Variants in ANKRD6 observed in about 807,000 individuals in gnomAD.
ANKRD6 encodes the protein ankyrin repeat domain 6, also known as ankyrin repeat domain-containing protein 6.
In ANKRD6, 56 loss-of-function variants were observed where a neutral mutation model predicts 82.3. That is an observed-to-expected ratio of 0.68 (90% CI 0.55 to 0.85). ANKRD6 has a LOEUF of 0.85. Ranked by LOEUF, ANKRD6 falls within the 40% of genes least tolerant of loss-of-function variation. The pLI, the probability that ANKRD6 is intolerant of heterozygous loss-of-function variation, is 0.00. For missense variants in ANKRD6, 852 were observed against 907.6 expected (o/e 0.94, Z 0.79); for synonymous variants, 347 against 352.1 (o/e 0.99, Z 0.16).
intron 5 of ANKRD6, among the ~76,000 whole-genome samples, chr6:89,610,715 A>T (rs1005181217): frequency 2.0e-5 from 3 of 151,982 alleles, no homozygotes; most frequent in South Asian, 2.1e-4. Flanking sequence ...GTTGCTGAGA[A>T]CTAAACTAGC....
chr6:89,546,623 C>A (rs1785130257), intron 1 of ANKRD6, among the ~76,000 whole-genome samples: 1 of 151,672 alleles, frequency 6.6e-6, no homozygotes, highest in African/African-American at 2.4e-5. Flanking sequence ...GCCACCATGC[C>A]TGGTTAATTT....
At position 89,612,296 on chromosome 6, in the gene ANKRD6, G is replaced by A. The variant is rs763076178; in HGVS notation, c.442G>A (p.Ala148Thr). ...GGCGGGGAACACAGCTCTGCACCTG[G>A]CCTGCCAGAACAGCCACTCCCAGAG... The part of the protein sequence containing the change: ...NKAGNTALHL[A>T]CQNSHSQSTR... The change falls in exon 6 of 16, where the codon GCC becomes ACC. Residue 148 changes from alanine (A) to threonine (T), a missense_variant. Physicochemically the swap from Ala to Thr is moderately conservative, Grantham distance 58. Coordinates refer to ENST00000339746, the MANE Select transcript of ANKRD6 (RefSeq NM_001242809.2). The A allele has an allele frequency of 2.1e-5, 33 of 1,560,770 alleles. No individual in the cohort carries two copies. Among genetic ancestry groups the A allele is most frequent in the Non-Finnish European group, 2.3e-5 (26 of 1,152,000 alleles).
chr6:89,557,101 AC>A (rs1352737153), intron 1 of ANKRD6, among the ~76,000 whole-genome samples: 2 of 152,216 alleles, frequency 1.3e-5, no homozygotes, highest in African/African-American at 4.8e-5. Flanking sequence ...CAAGGTGAGG[AC>A]ACAGGAAAAG....
chr6:89,513,094 T>A (rs564916910), intron 1 of ANKRD6, among the ~76,000 whole-genome samples: 1 of 151,992 alleles, frequency 6.6e-6, no homozygotes. Context: ...CTGGCTAAAT[T>A]TGAAAAAGTA....
At chr6:89,618,478 A>T (rs951493595) in intron 9 of ANKRD6, 1 of 434,788 alleles carries the variant, frequency 2.3e-6, no homozygotes, top group Non-Finnish European at 4.2e-6. Flanking sequence ...CGCCTGCCGG[A>T]GATAGTTAAG....
chr6:89,471,716 G>T (rs1232669442), intron 1 of ANKRD6, among the ~76,000 whole-genome samples: 2 of 152,052 alleles, frequency 1.3e-5, no homozygotes, highest in Admixed American at 6.6e-5. Flanking sequence ...TAGTCCAGGA[G>T]TGAGAACTGA....
chr6:89,613,797 A>G lies in ANKRD6; in HGVS notation c.522A>G (p.Gly174=), dbSNP rs557540301. 5.0e-6 allele frequency: 8 copies of G among 1,613,970 alleles called. No homozygotes were observed. In the South Asian group the frequency reaches 8.8e-5, roughly 18 times the overall value. The part of the protein sequence containing the change: ...GSRADLKNNA[G]DTCLHVAARY... ...AGTTTGATTTTTGTCCGCAGGCAGG[A>G]GACACCTGTTTGCACGTTGCTGCGC... Residue 174 remains glycine, a synonymous_variant, in exon 7 of 16, where the codon GGA becomes GGG. Transcript: ENST00000339746.
rs2128288620 is a variant in ANKRD6 at position 89,630,944 on chromosome 6, C to T, written c.2124C>T (p.His708=). Residue 708 remains histidine (H), a synonymous_variant, in exon 16 of 16, where the codon CAC becomes CAT. Transcript: ENST00000339746. The part of the protein sequence containing the change: ...AQQDKATLKE[H]IKSLEEELAK... ...AAGATAAGGCTACATTGAAGGAACA[C>T]ATTAAAAGTTTAGAAGAGGAACTTG... is the stretch of plus-strand genomic sequence containing the variant. The T allele has an allele frequency of 6.2e-7, 1 of 1,602,354 alleles. No individual in the cohort carries two copies. Among genetic ancestry groups the T allele is most frequent in the South Asian group, 1.1e-5 (1 of 89,328 alleles).
intron 2 of ANKRD6, among the ~76,000 whole-genome samples, chr6:89,573,540 TC>T (rs950547194): frequency 2.0e-5 from 3 of 152,184 alleles, no homozygotes; most frequent in African/African-American, 7.2e-5. Flanking sequence ...CTTTCACCTC[TC>T]CCCTGTATTA....
chr6:89,563,364 A>G (rs1787782758), intron 1 of ANKRD6, among the ~76,000 whole-genome samples: 1 of 152,198 alleles, frequency 6.6e-6, no homozygotes, highest in South Asian at 2.1e-4. Context: ...TGCATTGCAT[A>G]CTTATGCTCA....
chr6:89,595,888 G>C, intron 2 of ANKRD6, 28 bp from the exon 3 acceptor site: 1 of 1,569,684 alleles, frequency 6.4e-7, no homozygotes, highest in Admixed American at 1.8e-5. Context: ...GACTTGTTCC[G>C]AAATCATTGT....
chr6:89,473,154 TA>T (rs1308740779), intron 1 of ANKRD6, among the ~76,000 whole-genome samples: 2 of 152,156 alleles, frequency 1.3e-5, no homozygotes, highest in African/African-American at 4.8e-5. Context: ...CTCACACCTG[TA>T]ATCCCAGCAC....
At chr6:89,483,884 T>G (rs1363084236) in intron 1 of ANKRD6, among the ~76,000 whole-genome samples, 1 of 152,204 alleles carries the variant, frequency 6.6e-6, no homozygotes. Flanking sequence ...TTGTGTTTTC[T>G]GTAGTCCTCC....
intron 2 of ANKRD6, among the ~76,000 whole-genome samples, chr6:89,584,225 A>G (rs1051341397): frequency 6.6e-6 from 1 of 152,188 alleles, no homozygotes; most frequent in African/African-American, 2.4e-5. Context: ...AGTAATCAGC[A>G]TGTTGTGAGG....
At chr6:89,450,915 C>CA (rs1252629752) in intron 1 of ANKRD6, among the ~76,000 whole-genome samples, 2 of 151,932 alleles carry the variant, frequency 1.3e-5, no homozygotes, top group East Asian at 1.9e-4. Flanking sequence ...ACTAGGAAAC[C>CA]AAAAAAATTG....
At chr6:89,602,935 G>T in intron 3 of ANKRD6, 94 bp from the exon 4 acceptor site, 2 of 1,019,982 alleles carry the variant, frequency 2.0e-6, no homozygotes, top group South Asian at 1.4e-5. Context: ...GTGTGGGGAC[G>T]GGAGGGGTCC....
intron 2 of ANKRD6, among the ~76,000 whole-genome samples, chr6:89,574,936 G>A (rs966151622): frequency 6.6e-6 from 1 of 152,220 alleles, no homozygotes; most frequent in Non-Finnish European, 1.5e-5. Flanking sequence ...CCTTCAGAAT[G>A]AGGACCCAAA....
chr6:89,549,652 A>T (rs1785553187), intron 1 of ANKRD6, among the ~76,000 whole-genome samples: 1 of 152,212 alleles, frequency 6.6e-6, no homozygotes, highest in African/African-American at 2.4e-5. Context: ...CTTGGAGTTT[A>T]TTCTTACATG....
chr6:89,503,328 T>C (rs1213006219), intron 1 of ANKRD6, among the ~76,000 whole-genome samples: 3 of 152,192 alleles, frequency 2.0e-5, no homozygotes, highest in African/African-American at 7.2e-5. Flanking sequence ...ATGTTACCTC[T>C]CTTGGGCAGA....
Sources: allele counts gnomAD v4.1 joint callset (sites outside exome capture counted in the v4.1 genomes callset), GRCh38; gene constraint gnomAD v4.1.1; transcripts MANE v1.5; gene names NCBI Gene and HGNC (gene_info 2026-07-23, HGNC 2026-07-21).